Variants in KLHL29 observed in about 807,000 individuals in gnomAD.
KLHL29 encodes kelch-like protein 29.
Under a neutral mutation model 80.4 loss-of-function variants are expected in KLHL29, and 21 were observed. That is an observed-to-expected ratio of 0.26 (90% CI 0.19 to 0.38). KLHL29 has a LOEUF of 0.38. Among genes scored for constraint, KLHL29 ranks in the 10% least tolerant of loss-of-function variants. KLHL29 has a pLI of 1.00. For synonymous variants in KLHL29, 511 were observed against 526.8 expected (o/e 0.97, Z 0.41); for missense variants, 867 against 1,223.9 (o/e 0.71, Z 4.35).
In KLHL29 at chr2:23,409,635, C is replaced by G. The variant is rs187238934; in HGVS notation, c.-154+23855C>G. Among the ~76,000 whole-genome samples, 3 of 152,344 alleles carry G rather than the reference C, an allele frequency of 2.0e-5. No homozygotes were observed. The East Asian group carries it at 5.8e-4, about 29-fold the overall frequency. On this transcript the variant is annotated intron_variant, in intron 1 of 13. Transcript: ENST00000486442. The stretch of plus-strand genomic sequence containing the variant: ...GCAGTGCGTCTTCCCTCAATAGAAC[C>G]CAAGCCCATTCTTCATGGTTCAGCA...
intron 11 of KLHL29, chr2:23,697,685 G>A (rs973045753): frequency 1.3e-5 from 2 of 152,152 alleles, no homozygotes; most frequent in African/African-American, 4.8e-5. Flanking sequence ...AGAGCCCAGA[G>A]ATGGCTCAGT....
chr2:23,435,517 G>A (rs893112473), intron 1 of KLHL29, among the ~76,000 whole-genome samples: 10 of 152,160 alleles, frequency 6.6e-5, no homozygotes, highest in Admixed American at 6.5e-5. Flanking sequence ...ACAGGGCTGG[G>A]GAATGGTTTG....
chr2:23,548,868 T>C (rs1667051899), intron 2 of KLHL29, among the ~76,000 whole-genome samples: 1 of 152,200 alleles, frequency 6.6e-6, no homozygotes, highest in Non-Finnish European at 1.5e-5. Flanking sequence ...TGGGCCCTCC[T>C]CTGTTACAGC....
intron 3 of KLHL29, among the ~76,000 whole-genome samples, chr2:23,610,074 T>A (rs1273867804): frequency 6.6e-6 from 1 of 152,122 alleles, no homozygotes; most frequent in Non-Finnish European, 1.5e-5. Context: ...TCAGAAGCAG[T>A]GGAGAGTCCT....
At chr2:23,621,394 G>A (rs1347997996) in intron 3 of KLHL29, among the ~76,000 whole-genome samples, 1 of 152,196 alleles carries the variant, frequency 6.6e-6, no homozygotes, top group South Asian at 2.1e-4. Context: ...GCCCTCCTGA[G>A]CACGTTTGGC....
rs377147451 is a variant in KLHL29, at chr2:23,696,484, C to T, written c.2076C>T (p.Gly692=). 668 of 1,540,904 alleles carry T rather than the reference C, an allele frequency of 4.3e-4. 1 individual carries two copies. The highest frequency in any genetic ancestry group is 5.7e-4 in the Non-Finnish European group (647 of 1,142,156). Residue 692 remains glycine, a synonymous_variant, in exon 11 of 14, where the codon GGC becomes GGT. Coordinates refer to ENST00000486442, the MANE Select transcript of KLHL29 (RefSeq NM_052920.2). This position sits in a 1 kb window ranked among gnomAD's most constrained non-coding sequence, Gnocchi z 5.5. ...AGATTTACACCCTCGGGGGACTTGGCGTGGCAGGCAACGTGGACCACGTGG... is the reference window on the plus strand; with the variant it reads ...AGATTTACACCCTCGGGGGACTTGGTGTGGCAGGCAACGTGGACCACGTGG... ...DGKIYTLGGL[G]VAGNVDHVER...
intron 5 of KLHL29, among the ~76,000 whole-genome samples, chr2:23,660,217 G>A (rs1197066019): frequency 6.6e-6 from 1 of 152,182 alleles, no homozygotes; most frequent in African/African-American, 2.4e-5. Context: ...GGCAGGCATG[G>A]ACCACCCCCT....
intron 2 of KLHL29, among the ~76,000 whole-genome samples, chr2:23,516,348 A>G (rs1019045700): frequency 6.6e-6 from 1 of 152,174 alleles, no homozygotes; most frequent in African/African-American, 2.4e-5. Context: ...GCCAAGGGTC[A>G]TGATTTCCAG....
At chr2:23,495,281 G>A (rs551878477) in intron 2 of KLHL29, among the ~76,000 whole-genome samples, 1 of 152,144 alleles carries the variant, frequency 6.6e-6, no homozygotes, top group Admixed American at 6.5e-5. Context: ...TCTGTGGGCT[G>A]TCAGGCAGGT....
chr2:23,656,479 CAT>C (rs752458346), intron 5 of KLHL29, among the ~76,000 whole-genome samples: 10 of 152,250 alleles, frequency 6.6e-5, no homozygotes, highest in Non-Finnish European at 1.5e-4. Flanking sequence ...AGTCAGATAT[CAT>C]GTTTGCATCA....
chr2:23,538,686 G>T (rs904103257), intron 2 of KLHL29, among the ~76,000 whole-genome samples: 2 of 152,222 alleles, frequency 1.3e-5, no homozygotes, highest in Non-Finnish European at 2.9e-5. Flanking sequence ...TTGTGACAGT[G>T]TAACAATTTG....
chr2:23,660,102 C>T (rs909645742), intron 5 of KLHL29, among the ~76,000 whole-genome samples: 2 of 152,098 alleles, frequency 1.3e-5, no homozygotes, highest in Non-Finnish European at 2.9e-5. Flanking sequence ...CATGTGGAAG[C>T]CACCAGGCCC....
In KLHL29 at chr2:23,532,827, G is replaced by C. The variant is rs531560089; in HGVS notation, c.-45-29325G>C. Reference sequence around the variant, plus strand: ...GCAAATCGAGGCGCGTTCAGGGTAAGGGGAGGATTGGCCCGGCTCCAGGCT... The same window carrying C: ...GCAAATCGAGGCGCGTTCAGGGTAACGGGAGGATTGGCCCGGCTCCAGGCT... On this transcript the variant is annotated intron_variant, in intron 2 of 13. Transcript: ENST00000486442. Among the ~76,000 whole-genome samples, 7 of 152,338 alleles carry C rather than the reference G, an allele frequency of 4.6e-5. No homozygotes were observed. The South Asian group carries it at 1.5e-3, about 32-fold the overall frequency.
At chr2:23,407,670 C>T (rs1426727224) in intron 1 of KLHL29, among the ~76,000 whole-genome samples, 1 of 151,910 alleles carries the variant, frequency 6.6e-6, no homozygotes, top group African/African-American at 2.4e-5. Flanking sequence ...GCTTAGAAAG[C>T]CCTTCCCCAT....
intron 1 of KLHL29, among the ~76,000 whole-genome samples, chr2:23,438,234 T>C (rs1207317791): frequency 6.6e-6 from 1 of 151,920 alleles, no homozygotes; most frequent in African/African-American, 2.4e-5. Flanking sequence ...GTTTTCTAGA[T>C]ATACAATCAT....
At chr2:23,639,617 T>C (rs543012) in intron 4 of KLHL29, among the ~76,000 whole-genome samples, 66,477 of 152,014 alleles carry the variant, frequency 0.44, 14,839 homozygotes, top group Middle Eastern at 0.54. Flanking sequence ...TGCCTTCCAG[T>C]AAGGTTTTTA....
chr2:23,618,873 G>A (rs928882177), intron 3 of KLHL29, among the ~76,000 whole-genome samples: 13 of 152,170 alleles, frequency 8.5e-5, no homozygotes, highest in African/African-American at 2.9e-4. Flanking sequence ...GAATCCCAAA[G>A]TATTTGGAAG....
chr2:23,483,386 G>A (rs1192867376), intron 2 of KLHL29, among the ~76,000 whole-genome samples: 2 of 152,180 alleles, frequency 1.3e-5, no homozygotes, highest in African/African-American at 4.8e-5. Flanking sequence ...AAATGCTAAG[G>A]GAAACCTAAG....
chr2:23,523,339 G>A (rs1240967408), intron 2 of KLHL29, among the ~76,000 whole-genome samples: 1 of 152,172 alleles, frequency 6.6e-6, no homozygotes, highest in East Asian at 1.9e-4. Context: ...TAAAGCAAAG[G>A]ACATAAATAC....
Sources: gnomAD v4.1 joint callset for allele counts (sites outside exome capture counted in the v4.1 genomes callset) on GRCh38, gnomAD v4.1.1 for gene constraint, Gnocchi (gnomAD v3.1) non-coding constraint, MANE v1.5 for transcripts, NCBI Gene and HGNC (gene_info 2026-07-23, HGNC 2026-07-21) for gene names.